The following ADAMTS12 variants were observed in gnomAD, a reference collection of about 807,000 sequenced individuals.
The protein encoded by ADAMTS12 is A disintegrin and metalloproteinase with thrombospondin motifs 12.
ADAMTS12 carries 118 observed loss-of-function variants against 167.8 expected under a neutral mutation model. The observed-to-expected ratio is 0.70, with a 90% CI of 0.61 to 0.82. The LOEUF is 0.82. ADAMTS12 is among the 40% of genes least tolerant of loss of function. The pLI, the probability that ADAMTS12 is intolerant of heterozygous loss-of-function variation, is 0.00. For missense variants in ADAMTS12, 1,916 were observed against 1,998.8 expected, an observed-to-expected ratio of 0.96 and a Z score of 0.79; for synonymous variants, 704 against 716.9, an observed-to-expected ratio of 0.98 and a Z score of 0.29.
intron 2 of ADAMTS12, among the ~76,000 whole-genome samples, chr5:33,821,002 A>G (rs1232828047): frequency 2.0e-5 from 3 of 152,140 alleles, no homozygotes; most frequent in Non-Finnish European, 2.9e-5. Context: ...GGAGAGGATC[A>G]GGAAAAATAA....
chr5:33,827,549 A>G (rs886764984), intron 2 of ADAMTS12, among the ~76,000 whole-genome samples: 7 of 152,164 alleles, frequency 4.6e-5, no homozygotes, highest in Non-Finnish European at 1.0e-4. Flanking sequence ...GTGGTAGCTT[A>G]TTATGCAGCA....
intron 14 of ADAMTS12, among the ~76,000 whole-genome samples, chr5:33,623,094 T>C (rs1739411784): frequency 6.6e-6 from 1 of 152,196 alleles, no homozygotes; most frequent in African/African-American, 2.4e-5. Context: ...TACTTGATCC[T>C]CTCAGGATCC....
chr5:33,786,365 C>A (rs1354184512), intron 2 of ADAMTS12, among the ~76,000 whole-genome samples: 2 of 151,864 alleles, frequency 1.3e-5, no homozygotes, highest in Admixed American at 1.3e-4. Context: ...AATTTCCTTT[C>A]TTTGGGTTTA....
chr5:33,819,918 T>C (rs150349972), intron 2 of ADAMTS12, among the ~76,000 whole-genome samples: 26 of 152,258 alleles, frequency 1.7e-4, no homozygotes, highest in African/African-American at 5.8e-4. Context: ...AAAAGGAATA[T>C]TCTCCATCCT....
At chr5:33,687,088 G>GT (rs11374890) in intron 3 of ADAMTS12, among the ~76,000 whole-genome samples, 115,115 of 147,072 alleles carry the variant, frequency 0.78, 45,751 homozygotes, top group Non-Finnish European at 0.88. Flanking sequence ...TAAGACATGA[G>GT]TTTTTTTTTT....
At chr5:33,676,707 C>CACAG (rs879440613) in intron 5 of ADAMTS12, among the ~76,000 whole-genome samples, 2,879 of 149,034 alleles carry the variant, frequency 0.019, 107 homozygotes, top group African/African-American at 0.069. Context: ...CACACACACA[C>CACAG]AGAGAGAGAG....
chr5:33,696,276 C>G (rs897720347), intron 3 of ADAMTS12, among the ~76,000 whole-genome samples: 3 of 151,474 alleles, frequency 2.0e-5, no homozygotes, highest in East Asian at 2.0e-4. Flanking sequence ...AAAAAATTAG[C>G]CGGGCACGGT....
chr5:33,641,388 C>T (rs556265453), intron 11 of ADAMTS12, among the ~76,000 whole-genome samples: 2 of 152,240 alleles, frequency 1.3e-5, no homozygotes, highest in South Asian at 4.1e-4. Context: ...GAATTATTCT[C>T]ATAAAATTGT....
At chr5:33,575,226 C>G (rs1441127914) in intron 19 of ADAMTS12, among the ~76,000 whole-genome samples, 1 of 152,148 alleles carries the variant, frequency 6.6e-6, no homozygotes, top group Non-Finnish European at 1.5e-5. Context: ...ATATGGCGAG[C>G]TATACAATTG....
intron 3 of ADAMTS12, among the ~76,000 whole-genome samples, chr5:33,714,052 T>C (rs1273558818): frequency 6.6e-6 from 1 of 152,106 alleles, no homozygotes; most frequent in African/African-American, 2.4e-5. Context: ...TATTTGAAAG[T>C]CTGGACAATT....
At chr5:33,568,911 G>C (rs993624363) in intron 19 of ADAMTS12, among the ~76,000 whole-genome samples, 1 of 152,246 alleles carries the variant, frequency 6.6e-6, no homozygotes, top group Non-Finnish European at 1.5e-5. Context: ...CTTTTCCGAC[G>C]GGCTTAGGAA....
At chr5:33,885,359 G>T (rs1365311718) in intron 1 of ADAMTS12, among the ~76,000 whole-genome samples, 1 of 152,078 alleles carries the variant, frequency 6.6e-6, no homozygotes, top group Non-Finnish European at 1.5e-5. Flanking sequence ...GAGATTTGGG[G>T]TGTGGTTTTT....
intron 20 of ADAMTS12, among the ~76,000 whole-genome samples, chr5:33,551,375 G>T (rs138995215): frequency 6.6e-6 from 1 of 152,234 alleles, no homozygotes; most frequent in Non-Finnish European, 1.5e-5. Flanking sequence ...CTTGCCAACA[G>T]CTTCCCAAAA....
chr5:33,846,858 A>G (rs1361786076), intron 2 of ADAMTS12, among the ~76,000 whole-genome samples: 1 of 152,212 alleles, frequency 6.6e-6, no homozygotes, highest in Non-Finnish European at 1.5e-5. Flanking sequence ...AAAATTGCAC[A>G]CCAATTAGCT....
intron 3 of ADAMTS12, among the ~76,000 whole-genome samples, chr5:33,689,519 G>A (rs10052224): frequency 0.22 from 34,169 of 152,000 alleles, 4,025 homozygotes; most frequent in East Asian, 0.42. Flanking sequence ...ATTTGTCTAC[G>A]AGTGCAGTAG....
intron 3 of ADAMTS12, among the ~76,000 whole-genome samples, chr5:33,711,366 G>T (rs191114422): frequency 4.6e-5 from 7 of 152,246 alleles, no homozygotes; most frequent in Non-Finnish European, 7.4e-5. Flanking sequence ...CAGCTGACTG[G>T]CTGTTTTTAC....
chr5:33,780,606 T>A (rs942776340), intron 2 of ADAMTS12, among the ~76,000 whole-genome samples: 1 of 152,192 alleles, frequency 6.6e-6, no homozygotes, highest in Non-Finnish European at 1.5e-5. Context: ...GGGCATTCCC[T>A]GTGTAAAAGA....
intron 3 of ADAMTS12, among the ~76,000 whole-genome samples, chr5:33,728,669 C>T (rs879914185): frequency 1.6e-4 from 25 of 152,338 alleles, no homozygotes; most frequent in Non-Finnish European, 2.9e-4. Context: ...TTCCACAAAA[C>T]ACCTTAGCAC....
At chr5:33,564,316 A>G (rs575325377) in intron 19 of ADAMTS12, among the ~76,000 whole-genome samples, 1 of 152,374 alleles carries the variant, frequency 6.6e-6, no homozygotes, top group South Asian at 2.1e-4. Context: ...AAACTGGGAC[A>G]GGCAGGAGGT....
Sources: gnomAD v4.1 joint callset for allele counts (sites outside exome capture counted in the v4.1 genomes callset) on GRCh38, gnomAD v4.1.1 for gene constraint, MANE v1.5 for transcripts, NCBI Gene and HGNC (gene_info 2026-07-23, HGNC 2026-07-21) for gene names.